The following SP140 variants were observed in gnomAD, a reference collection of about 807,000 sequenced individuals.
The protein encoded by SP140 is SP140 nuclear body protein.
In SP140, 81 loss-of-function variants were observed where a neutral mutation model predicts 125.0. That is an observed-to-expected ratio of 0.65 (90% CI 0.54 to 0.78). The LOEUF (loss-of-function observed/expected upper bound fraction) is 0.78, where lower values mean the gene tolerates loss of function less well. Among genes scored for constraint, SP140 ranks in the 30% least tolerant of loss-of-function variants. The probability of loss-of-function intolerance (pLI) is 0.00; values close to 1 mark genes in which losing one functional copy is unlikely to be tolerated. For missense variants in SP140, 858 were observed against 1,037.0 expected (o/e 0.83, Z 2.37); for synonymous variants, 312 against 354.0 (o/e 0.88, Z 1.33).
intron 5 of SP140, among the ~76,000 whole-genome samples, chr2:230,244,232 AT>A (rs1461333181): frequency 6.6e-6 from 1 of 152,230 alleles, no homozygotes; most frequent in Non-Finnish European, 1.5e-5. Flanking sequence ...TGTTCAAAGA[AT>A]TTTGGCAAAC....
intron 22 of SP140, among the ~76,000 whole-genome samples, chr2:230,297,673 GA>G (rs2057878039): frequency 6.6e-6 from 1 of 152,192 alleles, no homozygotes; most frequent in Non-Finnish European, 1.5e-5. Flanking sequence ...TGTTTCAGTA[GA>G]AACCTTCCAA....
chr2:230,297,218 A>G (rs146583694), intron 21 of SP140, among the ~76,000 whole-genome samples: 8 of 152,342 alleles, frequency 5.3e-5, no homozygotes, highest in African/African-American at 1.7e-4. Context: ...GTTTCATTTT[A>G]CTGTTTACAT....
intron 3 of SP140, chr2:230,214,827 G>C: frequency 1.2e-6 from 1 of 800,442 alleles, no homozygotes; most frequent in Non-Finnish European, 2.2e-6. Flanking sequence ...AGAGAATATG[G>C]TCCATTCCAC....
chr2:230,188,733 A>G, the SP140 span, among the ~76,000 whole-genome samples: 1 of 152,188 alleles, frequency 6.6e-6, no homozygotes, highest in Non-Finnish European at 1.5e-5. Context: ...TTCTGCATCT[A>G]TTGAAATGAT....
intron 1 of SP140, among the ~76,000 whole-genome samples, chr2:230,234,022 C>T (rs2047627620): frequency 6.6e-6 from 1 of 152,210 alleles, no homozygotes; most frequent in Admixed American, 6.5e-5. Context: ...ACATTTGAGA[C>T]ATCAGTATTG....
At chr2:230,296,348 T>G (rs2057730587) in intron 21 of SP140, among the ~76,000 whole-genome samples, 1 of 152,238 alleles carries the variant, frequency 6.6e-6, no homozygotes, top group Non-Finnish European at 1.5e-5. Flanking sequence ...CAAGGTCATC[T>G]CTCAGGTGCT....
At chr2:230,287,994 C>A in intron 18 of SP140, 28 bp downstream of exon 18, 4 of 1,569,322 alleles carry the variant, frequency 2.5e-6, no homozygotes, top group Non-Finnish European at 3.5e-6. Flanking sequence ...AATGAACTTT[C>A]AATAACTAAA....
At chr2:230,300,450 A>G (rs541102273) in intron 22 of SP140, among the ~76,000 whole-genome samples, 6 of 152,322 alleles carry the variant, frequency 3.9e-5, no homozygotes, top group Non-Finnish European at 8.8e-5. Flanking sequence ...CATGACTGGG[A>G]GAACTGAAGA....
At chr2:230,263,783 G>A (rs1429465004) in intron 12 of SP140, among the ~76,000 whole-genome samples, 1 of 152,158 alleles carries the variant, frequency 6.6e-6, no homozygotes, top group Non-Finnish European at 1.5e-5. Flanking sequence ...TGTTTGAAGA[G>A]GCTGAAGATA....
At chr2:230,294,435 C>A in intron 21 of SP140, 117 bp downstream of exon 21, 1 of 713,580 alleles carries the variant, frequency 1.4e-6, no homozygotes, top group Non-Finnish European at 2.4e-6. Flanking sequence ...ACCTTCTTCA[C>A]TACTCACCTT....
In SP140 at chr2:230,248,000, A is replaced by G. The variant is rs757439768; in HGVS notation, c.827A>G (p.Asn276Ser). ...GEKQGEEEGRNSPRKRNQDKE... is the reference protein window; with the variant it reads ...GEKQGEEEGRSSPRKRNQDKE... ...AAACAGGGAGAGGAGGAAGGCAGGAACAGTCCCAGAAAAAGAAACCAAGAC... is the reference window on the plus strand; with the variant it reads ...AAACAGGGAGAGGAGGAAGGCAGGAGCAGTCCCAGAAAAAGAAACCAAGAC... The change falls in exon 8 of 27, where the codon AAC (asparagine) becomes AGC (serine). Residue 276 changes from asparagine to serine, a missense_variant. Transcript: ENST00000392045. 1 of 1,613,872 alleles carries G rather than the reference A, an allele frequency of 6.2e-7. No individual in the cohort carries two copies.
intron 16 of SP140, 45 bp from the exon 17 acceptor site, chr2:230,285,707 G>T (rs1296508330): frequency 6.7e-7 from 1 of 1,493,888 alleles, no homozygotes; most frequent in East Asian, 2.3e-5. Context: ...GACAGCTGTT[G>T]TTCTGCCCAG....
chr2:230,250,333 T>A (rs1420784775), intron 9 of SP140, among the ~76,000 whole-genome samples: 1 of 152,206 alleles, frequency 6.6e-6, no homozygotes, highest in Non-Finnish European at 1.5e-5. Flanking sequence ...GCTTCCACCC[T>A]TCATGGGTCC....
chr2:230,260,453 C>T (rs1175263452), intron 12 of SP140, among the ~76,000 whole-genome samples: 1 of 152,146 alleles, frequency 6.6e-6, no homozygotes, highest in Non-Finnish European at 1.5e-5. Flanking sequence ...TTAATTAAGT[C>T]CCAGCTATTT....
chr2:230,288,109 A>T, intron 18 of SP140, 143 bp downstream of exon 18: 1 of 684,272 alleles, frequency 1.5e-6, no homozygotes, highest in Non-Finnish European at 2.3e-6. Flanking sequence ...CTATTTAGTC[A>T]TTTTCCAAAA....
chr2:230,186,892 C>G, the SP140 span, among the ~76,000 whole-genome samples: 1 of 152,122 alleles, frequency 6.6e-6, no homozygotes, highest in Non-Finnish European at 1.5e-5. Context: ...ATTTTCTTTA[C>G]ACATTCATTG....
intron 4 of SP140, 103 bp downstream of exon 4, chr2:230,241,590 C>G (rs2048735788): frequency 1.4e-6 from 1 of 694,550 alleles, no homozygotes. Context: ...CCTCTGTTAT[C>G]TCCCAGTCCT....
At chr2:230,306,198 C>T (rs928762373) in intron 22 of SP140, among the ~76,000 whole-genome samples, 6 of 152,210 alleles carry the variant, frequency 3.9e-5, no homozygotes, top group Non-Finnish European at 8.8e-5. Flanking sequence ...GACCTGCTCT[C>T]AGGCCCAGAG....
intron 15 of SP140, among the ~76,000 whole-genome samples, chr2:230,280,056 C>T (rs952222653): frequency 9.9e-5 from 15 of 152,094 alleles, no homozygotes; most frequent in Admixed American, 5.9e-4. Context: ...TTTTATCAAG[C>T]ACAACTTTCT....
Sources: allele counts gnomAD v4.1 joint callset (sites outside exome capture counted in the v4.1 genomes callset), GRCh38; gene constraint gnomAD v4.1.1; transcripts MANE v1.5; gene names NCBI Gene and HGNC (gene_info 2026-07-23, HGNC 2026-07-21).